WDR64: variants seen among roughly 807,000 people sequenced by gnomAD.
The protein encoded by WDR64 is WD repeat domain 64.
WDR64 carries 112 observed loss-of-function variants against 139.3 expected under a neutral mutation model. The observed-to-expected ratio is 0.80, with a 90% CI of 0.69 to 0.94. The LOEUF is 0.94. Ranked by LOEUF, WDR64 falls within the 40% of genes least tolerant of loss-of-function variation. The probability of loss-of-function intolerance (pLI) is 0.00; values close to 1 mark genes in which losing one functional copy is unlikely to be tolerated. For synonymous variants in WDR64, 444 were observed against 437.7 expected, an observed-to-expected ratio of 1.01 and a Z score of -0.18; for missense variants, 1,206 against 1,293.1, an observed-to-expected ratio of 0.93 and a Z score of 1.03.
At chr1:241,784,896 G>A (rs1489027744) in intron 23 of WDR64, among the ~76,000 whole-genome samples, 1 of 134,412 alleles carries the variant, frequency 7.4e-6, no homozygotes, top group African/African-American at 2.8e-5. Flanking sequence ...GGAGATTGTA[G>A]TGAGCCGAGA....
At chr1:241,676,005 A>G (rs1558466849) in intron 4 of WDR64, 1 of 152,230 alleles carries the variant, frequency 6.6e-6, no homozygotes, top group Non-Finnish European at 1.5e-5. Flanking sequence ...TTCATTTCCA[A>G]CTAGAAACAA....
chr1:241,732,522 CA>C (rs1159749152), intron 10 of WDR64, among the ~76,000 whole-genome samples: 2 of 152,014 alleles, frequency 1.3e-5, no homozygotes, highest in African/African-American at 2.4e-5. Flanking sequence ...AAACACCCAT[CA>C]AAAAACAGAT....
In WDR64 at chr1:241,783,228, G is replaced by A. The variant is rs369820109; in HGVS notation, c.2596-44G>A. Reference sequence around the variant, plus strand: ...TTTGTTGAAGATTACATTTTTACTAGCATATAGTTATTCCGAGGAATATGC... The same window carrying A: ...TTTGTTGAAGATTACATTTTTACTAACATATAGTTATTCCGAGGAATATGC... On this transcript the variant is annotated intron_variant, in intron 22 of 27. Transcript: ENST00000437684. The A allele has an allele frequency of 7.3e-6, 11 of 1,504,378 alleles. No homozygotes were observed. The Admixed American group carries it at 1.0e-4, about 14-fold the overall frequency. 93.2% of individuals were successfully genotyped at this position (1,504,378 alleles called of 1,614,324 possible).
chr1:241,666,583 G>A (rs918365537), intron 2 of WDR64, among the ~76,000 whole-genome samples: 1 of 152,172 alleles, frequency 6.6e-6, no homozygotes, highest in African/African-American at 2.4e-5. Context: ...ATGCATAGCT[G>A]ATGTGTTGTT....
At chr1:241,693,043 C>T (rs1385388882) in intron 8 of WDR64, among the ~76,000 whole-genome samples, 1 of 152,114 alleles carries the variant, frequency 6.6e-6, no homozygotes, top group Non-Finnish European at 1.5e-5. Flanking sequence ...CTACATGATC[C>T]AGCAGTCATA....
intron 5 of WDR64, 39 bp downstream of exon 5, chr1:241,678,255 A>G (rs1354229187): frequency 5.0e-6 from 2 of 398,736 alleles, no homozygotes; most frequent in Non-Finnish European, 8.9e-6. Context: ...AGTCAAAGTT[A>G]GGGCTATGAT....
At chr1:241,797,341 T>C (rs1028313570) in intron 27 of WDR64, among the ~76,000 whole-genome samples, 4 of 152,160 alleles carry the variant, frequency 2.6e-5, no homozygotes, top group African/African-American at 9.7e-5. Flanking sequence ...ATATAACCTA[T>C]CACTCTCCTA....
At chr1:241,673,217 T>A (rs1408080646) in intron 3 of WDR64, among the ~76,000 whole-genome samples, 1 of 150,826 alleles carries the variant, frequency 6.6e-6, no homozygotes, top group Non-Finnish European at 1.5e-5. Flanking sequence ...CATTAGGAGA[T>A]ACACCTAATG....
intron 12 of WDR64, among the ~76,000 whole-genome samples, 165 bp downstream of exon 12, chr1:241,741,829 TTTAA>T (rs1272011614): frequency 2.0e-5 from 3 of 152,234 alleles, no homozygotes; most frequent in Non-Finnish European, 4.4e-5. Flanking sequence ...AAACAAGCGT[TTTAA>T]TTAAGCCAGT....
intron 10 of WDR64, among the ~76,000 whole-genome samples, chr1:241,724,452 G>A (rs960356532): frequency 4.6e-5 from 7 of 152,144 alleles, no homozygotes; most frequent in Non-Finnish European, 7.4e-5. Flanking sequence ...GCAGGAATTA[G>A]TTTATGTCTA....
At chr1:241,728,897 G>C (rs970455161) in intron 10 of WDR64, among the ~76,000 whole-genome samples, 3 of 151,384 alleles carry the variant, frequency 2.0e-5, no homozygotes, top group African/African-American at 4.9e-5. Context: ...GTATGTAAAA[G>C]TTGCTAATTT....
rs147066830 is a variant in WDR64 at position 241,667,259 on chromosome 1, T to C, written c.277-3815T>C. Among the ~76,000 whole-genome samples, 34 of 152,324 alleles carry C rather than the reference T, an allele frequency of 2.2e-4. No individual in the cohort carries two copies. The East Asian group carries it at 6.6e-3, about 29-fold the overall frequency. On this transcript the variant is annotated intron_variant, in intron 2 of 27. Transcript: ENST00000437684. ...TCTGAAAATTATTATTTCACACTATTCTCTGAGGTTAAATTTGCTGCCAAT... is the reference window on the plus strand; with the variant it reads ...TCTGAAAATTATTATTTCACACTATCCTCTGAGGTTAAATTTGCTGCCAAT...
chr1:241,696,669 GGGAGT>G (rs1027275554), intron 8 of WDR64, among the ~76,000 whole-genome samples: 1 of 152,090 alleles, frequency 6.6e-6, no homozygotes, highest in Non-Finnish European at 1.5e-5. Flanking sequence ...TGGCACTGGT[GGGAGT>G]GTCTCTTAGC....
rs755277609 is a variant in WDR64, at chr1:241,738,461, T to TG, written c.1294dup (p.Asp432GlyfsTer12). On this transcript the variant is annotated frameshift_variant, in exon 11 of 28. Transcript: ENST00000437684. LOFTEE classifies it high-confidence loss of function. ...ACATGCAGATTTACTCTATGATATATGATGCCAATCATGGCATGCTTATTA... is the reference window on the plus strand; with the variant it reads ...ACATGCAGATTTACTCTATGATATATGGATGCCAATCATGGCATGCTTATTA... The TG allele has an allele frequency of 1.9e-6, 3 of 1,613,394 alleles. No homozygotes were observed. The highest frequency in any genetic ancestry group is 2.5e-6 in the Non-Finnish European group (3 of 1,179,724).
intron 25 of WDR64, among the ~76,000 whole-genome samples, chr1:241,791,422 A>G (rs1342869): frequency 0.94 from 143,192 of 152,288 alleles, 67,931 homozygotes; most frequent in East Asian, 1. Context: ...AACCCATCAC[A>G]TTGGGAGATC....
At chr1:241,790,423 T>C (rs1328933460) in intron 24 of WDR64, among the ~76,000 whole-genome samples, 168 bp from the exon 25 acceptor site, 2 of 152,134 alleles carry the variant, frequency 1.3e-5, no homozygotes, top group Admixed American at 6.6e-5. Flanking sequence ...AGAGGAATAT[T>C]TGGGAAACCA....
At chr1:241,749,096 A>C (rs1450304456) in intron 13 of WDR64, among the ~76,000 whole-genome samples, 3 of 152,234 alleles carry the variant, frequency 2.0e-5, no homozygotes, top group Non-Finnish European at 4.4e-5. Context: ...TTATTATCTA[A>C]TAAGAGCTAA....
chr1:241,671,021 A>G, intron 2 of WDR64, 53 bp from the exon 3 acceptor site: 1 of 1,269,490 alleles, frequency 7.9e-7, no homozygotes, highest in Admixed American at 2.5e-5. Context: ...CTGCTACTTT[A>G]TAGCTAATTC....
At chr1:241,652,669 T>G in intron 1 of WDR64, 40 bp downstream of exon 1, 1 of 1,543,310 alleles carries the variant, frequency 6.5e-7, no homozygotes, top group Non-Finnish European at 8.7e-7. Flanking sequence ...TTGGGTCTGT[T>G]GGTTAGAACT....
Sources: gnomAD v4.1 joint callset for allele counts (sites outside exome capture counted in the v4.1 genomes callset) on GRCh38, gnomAD v4.1.1 for gene constraint, MANE v1.5 for transcripts, NCBI Gene and HGNC (gene_info 2026-07-23, HGNC 2026-07-21) for gene names.